Variants in RRAS2 observed in about 807,000 individuals in gnomAD.
The protein encoded by RRAS2 is RAS related 2.
In RRAS2, 7 loss-of-function variants were observed where a neutral mutation model predicts 27.6. The observed-to-expected ratio is 0.25, with a 90% CI of 0.14 to 0.48. RRAS2 has a LOEUF of 0.48. RRAS2 is among the 20% of genes least tolerant of loss of function. The pLI is 0.99. For missense variants in RRAS2, 178 were observed against 256.2 expected (o/e 0.69, Z 2.08); for synonymous variants, 86 against 90.9 (o/e 0.95, Z 0.31).
intron 1 of RRAS2, among the ~76,000 whole-genome samples, chr11:14,330,712 A>G (rs1397367558): frequency 1.3e-5 from 2 of 152,246 alleles, no homozygotes; most frequent in East Asian, 1.9e-4. Context: ...TGTAACAAAA[A>G]TAAGATACTT....
chr11:14,285,639 C>T (rs1039770032), intron 4 of RRAS2, among the ~76,000 whole-genome samples: 8 of 152,140 alleles, frequency 5.3e-5, no homozygotes, highest in Non-Finnish European at 5.9e-5. Context: ...TGAATTATCT[C>T]GCTTTTACAT....
chr11:14,329,442 A>T (rs1848440826), intron 1 of RRAS2, among the ~76,000 whole-genome samples: 1 of 152,188 alleles, frequency 6.6e-6, no homozygotes, highest in African/African-American at 2.4e-5. Flanking sequence ...GCAGAGATAG[A>T]TCAAACACAA....
chr11:14,292,502 T>C (rs781986498), intron 4 of RRAS2, among the ~76,000 whole-genome samples: 1 of 151,930 alleles, frequency 6.6e-6, no homozygotes, highest in Non-Finnish European at 1.5e-5. Flanking sequence ...TAGAAAGAAC[T>C]GAGAAGAGCC....
chr11:14,282,326 A>C (rs145242422), intron 4 of RRAS2, among the ~76,000 whole-genome samples: 3 of 152,328 alleles, frequency 2.0e-5, no homozygotes, highest in African/African-American at 7.2e-5. Context: ...CCTGGTACAC[A>C]GGTGACACTC....
intron 1 of RRAS2, among the ~76,000 whole-genome samples, chr11:14,320,700 A>T (rs1452725919): frequency 6.6e-6 from 1 of 152,220 alleles, no homozygotes; most frequent in Non-Finnish European, 1.5e-5. Flanking sequence ...GAAAGATATT[A>T]AACATACTAT....
chr11:14,351,844 G>A (rs1848959751), intron 1 of RRAS2, among the ~76,000 whole-genome samples: 2 of 145,650 alleles, frequency 1.4e-5, no homozygotes, highest in South Asian at 4.3e-4. Context: ...GCAATGAGCC[G>A]AGATTGTGCC....
At chr11:14,337,429 T>C (rs552937105) in intron 1 of RRAS2, among the ~76,000 whole-genome samples, 39 of 152,206 alleles carry the variant, frequency 2.6e-4, no homozygotes, top group Non-Finnish European at 4.9e-4. Context: ...TGACCATACA[T>C]CAGAAGGTCA....
At chr11:14,302,745 C>T (rs1012118976) in intron 1 of RRAS2, among the ~76,000 whole-genome samples, 2 of 152,194 alleles carry the variant, frequency 1.3e-5, no homozygotes, top group African/African-American at 2.4e-5. Flanking sequence ...AGGACAGAAG[C>T]GCTGGCTGAA....
chr11:14,309,306 T>C (rs1847904951), intron 1 of RRAS2, among the ~76,000 whole-genome samples: 1 of 152,182 alleles, frequency 6.6e-6, no homozygotes, highest in Non-Finnish European at 1.5e-5. Flanking sequence ...CTGCTAAAAC[T>C]GCCACAAGAA....
intron 2 of RRAS2, among the ~76,000 whole-genome samples, chr11:14,295,095 T>C (rs1847510014): frequency 6.6e-6 from 1 of 152,222 alleles, no homozygotes; most frequent in African/African-American, 2.4e-5. Context: ...TAGAATATAT[T>C]AGCACACTAA....
At chr11:14,338,711 A>C (rs564880725) in intron 1 of RRAS2, among the ~76,000 whole-genome samples, 1 of 152,172 alleles carries the variant, frequency 6.6e-6, no homozygotes, top group African/African-American at 2.4e-5. Context: ...TCCAAATCCT[A>C]ATTTTTTTTA....
chr11:14,301,900 T>C (rs1310319980), intron 1 of RRAS2, among the ~76,000 whole-genome samples: 2 of 152,064 alleles, frequency 1.3e-5, no homozygotes, highest in African/African-American at 2.4e-5. Context: ...GGAGAATCGC[T>C]TGAACCCAGG....
chr11:14,289,626 T>C (rs1398726803), intron 4 of RRAS2, among the ~76,000 whole-genome samples: 2 of 152,220 alleles, frequency 1.3e-5, no homozygotes, highest in Non-Finnish European at 2.9e-5. Context: ...GATATCTTTT[T>C]ATCTCACGTA....
At chr11:14,313,168 C>T (rs371740496) in intron 1 of RRAS2, among the ~76,000 whole-genome samples, 4 of 152,256 alleles carry the variant, frequency 2.6e-5, no homozygotes, top group East Asian at 3.9e-4. Flanking sequence ...TACCCAAGTA[C>T]GTAGGTTTAA....
chr11:14,326,887 CG>C lies in RRAS2; in HGVS notation c.109-31033del, dbSNP rs1554951072. Among the ~76,000 whole-genome samples, 3 of 34,036 alleles carry C rather than the reference CG, an allele frequency of 8.8e-5. 1 individual carries two copies. Among genetic ancestry groups the C allele is most frequent in the Non-Finnish European group, 2.7e-4 (3 of 11,224 alleles). 22.3% of individuals were successfully genotyped at this position (34,036 alleles called of 152,430 possible). Reference sequence around the variant, plus strand: ...CATCCCGGCTAAAACGGTGAAACCCCGTCTCTACTAAAAATACAAAAAAATT... The same window carrying C: ...CATCCCGGCTAAAACGGTGAAACCCCTCTCTACTAAAAATACAAAAAAATT... On this transcript the variant is annotated intron_variant, in intron 1 of 5. Transcript: ENST00000256196.
At chr11:14,349,364 G>C (rs1268129345) in intron 1 of RRAS2, among the ~76,000 whole-genome samples, 1 of 142,676 alleles carries the variant, frequency 7.0e-6, no homozygotes, top group East Asian at 2.1e-4. Flanking sequence ...GGGTTTCACT[G>C]TGTTAGCCAG....
chr11:14,360,278 C>T (rs1348856034), upstream of RRAS2, among the ~76,000 whole-genome samples: 1 of 152,054 alleles, frequency 6.6e-6, no homozygotes, highest in African/African-American at 2.4e-5. Context: ...ACATCTTGGA[C>T]ACTCAGCCTA....
intron 1 of RRAS2, chr11:14,364,283 A>G: frequency 9.7e-7 from 1 of 1,028,792 alleles, no homozygotes; most frequent in South Asian, 1.4e-5. Flanking sequence ...GGAGAGGGAG[A>G]TGCTAGAATC....
chr11:14,292,285 A>T (rs1028807299), intron 4 of RRAS2, among the ~76,000 whole-genome samples: 9 of 152,146 alleles, frequency 5.9e-5, no homozygotes, highest in African/African-American at 1.9e-4. Flanking sequence ...CCTACAGGAG[A>T]TCTCCACCTA....
Sources: allele counts gnomAD v4.1 joint callset (sites outside exome capture counted in the v4.1 genomes callset), GRCh38; gene constraint gnomAD v4.1.1; transcripts MANE v1.5; gene names NCBI Gene and HGNC (gene_info 2026-07-23, HGNC 2026-07-21).